The following CNTN4 variants were observed in gnomAD, a reference collection of about 807,000 sequenced individuals.
CNTN4 encodes the protein contactin-4.
CNTN4 carries 77 observed loss-of-function variants against 122.5 expected under a neutral mutation model. The observed-to-expected ratio is 0.63, with a 90% CI of 0.52 to 0.76. The LOEUF (loss-of-function observed/expected upper bound fraction) is 0.76, where lower values mean the gene tolerates loss of function less well. CNTN4 is among the 30% of genes least tolerant of loss of function. CNTN4 has a pLI of 0.00. For missense variants in CNTN4, 1,256 were observed against 1,259.1 expected (o/e 1.00, Z 0.04); for synonymous variants, 512 against 447.0 (o/e 1.15, Z -1.83).
chr3:2,525,873 C>T (rs934694973), intron 3 of CNTN4, among the ~76,000 whole-genome samples: 1 of 152,094 alleles, frequency 6.6e-6, no homozygotes, highest in African/African-American at 2.4e-5. Context: ...TGTGCTAGCA[C>T]ACACATGCAC....
At chr3:3,038,406 A>G (rs1345799050) in intron 18 of CNTN4, among the ~76,000 whole-genome samples, 1 of 152,080 alleles carries the variant, frequency 6.6e-6, no homozygotes, top group African/African-American at 2.4e-5. Context: ...CCCAGAAGCC[A>G]TTCGCCCACC....
At chr3:2,591,045 T>A (rs73005776) in intron 4 of CNTN4, among the ~76,000 whole-genome samples, 26,125 of 152,188 alleles carry the variant, frequency 0.17, 2,391 homozygotes, top group Middle Eastern at 0.22. Flanking sequence ...TTTTCCAAGT[T>A]GGAAACAGTG....
chr3:2,803,330 T>A (rs1188699490), intron 6 of CNTN4, among the ~76,000 whole-genome samples: 3 of 152,212 alleles, frequency 2.0e-5, no homozygotes, highest in Admixed American at 6.5e-5. Flanking sequence ...TTGAAAATTG[T>A]CCCAGCCATT....
At chr3:2,427,203 G>C (rs1006211929) in intron 3 of CNTN4, among the ~76,000 whole-genome samples, 1 of 152,096 alleles carries the variant, frequency 6.6e-6, no homozygotes, top group Non-Finnish European at 1.5e-5. Flanking sequence ...TCTCTTGTGG[G>C]CATTTAGTGC....
chr3:2,290,102 C>T (rs1351988447), intron 2 of CNTN4, among the ~76,000 whole-genome samples: 2 of 152,016 alleles, frequency 1.3e-5, no homozygotes, highest in Non-Finnish European at 2.9e-5. Flanking sequence ...TATCTTTCTG[C>T]CCAAAATAAC....
chr3:2,383,831 A>G (rs2046128024), intron 3 of CNTN4, among the ~76,000 whole-genome samples: 1 of 148,256 alleles, frequency 6.7e-6, no homozygotes, highest in Non-Finnish European at 1.5e-5. Context: ...CTCTCTCCCT[A>G]TCTCACTCCA....
chr3:2,935,015 A>C (rs892868720), intron 13 of CNTN4, among the ~76,000 whole-genome samples: 5 of 152,220 alleles, frequency 3.3e-5, no homozygotes, highest in Admixed American at 2.0e-4. Context: ...CCTGAAGTGC[A>C]GTTGCAAAAG....
chr3:2,374,758 A>T (rs1041533429), intron 3 of CNTN4, among the ~76,000 whole-genome samples: 3 of 152,264 alleles, frequency 2.0e-5, no homozygotes, highest in African/African-American at 7.2e-5. Flanking sequence ...GAATTCCAAA[A>T]CTATCACAAA....
chr3:3,014,879 G>GTTTTTTTTTTTT (rs5846238), intron 14 of CNTN4, among the ~76,000 whole-genome samples: 1 of 121,544 alleles, frequency 8.2e-6, no homozygotes, highest in Non-Finnish European at 1.7e-5. Flanking sequence ...CCCTCGATTG[G>GTTTTTTTTTTTT]TTTTTTTTTT....
At chr3:2,633,266 A>T (rs2082522388) in intron 4 of CNTN4, among the ~76,000 whole-genome samples, 1 of 152,192 alleles carries the variant, frequency 6.6e-6, no homozygotes, top group Non-Finnish European at 1.5e-5. Context: ...CCCACCCAGG[A>T]TGCAGAACAA....
chr3:2,913,134 A>G (rs982071296), intron 12 of CNTN4, among the ~76,000 whole-genome samples: 1 of 152,232 alleles, frequency 6.6e-6, no homozygotes, highest in African/African-American at 2.4e-5. Flanking sequence ...CCTGGATGAC[A>G]GAGTGAGACT....
At chr3:2,975,515 C>T (rs189953425) in intron 13 of CNTN4, among the ~76,000 whole-genome samples, 1 of 152,304 alleles carries the variant, frequency 6.6e-6, no homozygotes, top group Admixed American at 6.5e-5. Flanking sequence ...AAGCAGCCAA[C>T]AGCACCCAAT....
At chr3:2,316,570 T>G (rs377360120) in intron 2 of CNTN4, among the ~76,000 whole-genome samples, 8 of 152,300 alleles carry the variant, frequency 5.3e-5, no homozygotes, top group African/African-American at 1.9e-4. Context: ...TACAGTCTGT[T>G]GATGTTTTTA....
intron 4 of CNTN4, among the ~76,000 whole-genome samples, chr3:2,674,118 T>C (rs1172320390): frequency 6.6e-6 from 1 of 152,230 alleles, no homozygotes; most frequent in Non-Finnish European, 1.5e-5. Flanking sequence ...ATTATTGTTT[T>C]AACCGCTCAG....
intron 12 of CNTN4, among the ~76,000 whole-genome samples, chr3:2,922,139 A>C (rs2094435437): frequency 1.3e-5 from 2 of 152,316 alleles, no homozygotes; most frequent in South Asian, 4.1e-4. Context: ...AGCTACTCTC[A>C]GACATAAGGG....
chr3:2,823,111 G>A lies in CNTN4; in HGVS notation c.454+3530G>A, dbSNP rs116816201. Among the ~76,000 whole-genome samples the A allele has an allele frequency of 4.1e-3, 625 of 152,236 alleles. 5 individuals are homozygous for A. The highest frequency in any genetic ancestry group is 0.014 in the African/African-American group (585 of 41,542). On this transcript the variant is annotated intron_variant, in intron 7 of 24. Transcript: ENST00000418658. ...TCAAAAGCCTCCAATGCAACTGAAC[G>A]GCAGTGATTCTCTCACTGTTTTTCC... is the stretch of plus-strand genomic sequence containing the variant.
At chr3:2,551,686 TAAAA>T (rs961455908) in intron 3 of CNTN4, among the ~76,000 whole-genome samples, 1 of 151,894 alleles carries the variant, frequency 6.6e-6, no homozygotes, top group Non-Finnish European at 1.5e-5. Flanking sequence ...TGCAGAAAAG[TAAAA>T]AAAATACCTT....
intron 6 of CNTN4, among the ~76,000 whole-genome samples, chr3:2,779,283 G>A (rs558599475): frequency 2.0e-5 from 3 of 152,156 alleles, no homozygotes; most frequent in Admixed American, 6.5e-5. Context: ...TTGTTGGTTC[G>A]TTTGTGACAG....
At chr3:2,205,858 T>C (rs1265738625) in intron 2 of CNTN4, among the ~76,000 whole-genome samples, 1 of 152,116 alleles carries the variant, frequency 6.6e-6, no homozygotes, top group East Asian at 1.9e-4. Flanking sequence ...GATAAAATGG[T>C]GTATCCTATG....
Sources: gnomAD v4.1 joint callset for allele counts (sites outside exome capture counted in the v4.1 genomes callset) on GRCh38, gnomAD v4.1.1 for gene constraint, MANE v1.5 for transcripts, NCBI Gene and HGNC (gene_info 2026-07-23, HGNC 2026-07-21) for gene names.